The following GRK4 variants were observed in gnomAD, a reference collection of about 807,000 sequenced individuals.
GRK4 encodes the protein G protein-coupled receptor kinase 4, also known as G protein-coupled receptor kinase 2-like.
A neutral mutation model predicts 77.9 loss-of-function variants in GRK4; 73 were observed. The observed-to-expected ratio is 0.94, with a 90% CI of 0.78 to 1.14. The LOEUF is 1.14. Ranked by LOEUF, GRK4 falls within the 50% of genes most tolerant of loss-of-function variation. The pLI is 0.00. For synonymous variants in GRK4, 257 were observed against 254.4 expected (o/e 1.01, Z -0.10); for missense variants, 729 against 700.2 (o/e 1.04, Z -0.46).
At position 3,040,669 on chromosome 4, in the gene GRK4, G is replaced by T; in HGVS notation, c.*44G>T. 6.4e-7 allele frequency: 1 copy of T among 1,553,162 alleles called. No homozygotes were observed. The highest frequency in any genetic ancestry group is 2.3e-5 in the East Asian group (1 of 44,248). The stretch of plus-strand genomic sequence containing the variant: ...CAGAGCAGACCCTGGCGCCAGGAAG[G>T]AGCATGTGTTAGCGTCTCGTCCCAC... On this transcript the variant is annotated 3_prime_UTR_variant, in exon 16 of 16. Coordinates refer to ENST00000398052, the MANE Select transcript of GRK4 (RefSeq NM_182982.3).
chr4:3,013,320 G>A (rs2109913692), intron 7 of GRK4, among the ~76,000 whole-genome samples: 1 of 152,130 alleles, frequency 6.6e-6, no homozygotes, highest in Non-Finnish European at 1.5e-5. Context: ...CCAAAGTGCT[G>A]GGATTGTAGG....
chr4:3,007,812 T>A lies in GRK4; in HGVS notation c.520T>A (p.Trp174Arg), dbSNP rs764367973. ...CTCATATTTTTCTCAGTTTTTACAA[T>A]GGAAATGGCTGGAAAGGTATGTACT... ...ESSYFSQFLQWKWLERQPVTK... is the reference protein window; with the variant it reads ...ESSYFSQFLQRKWLERQPVTK... Residue 174 changes from tryptophan (W) to arginine (R), a missense_variant, in exon 6 of 16, where the codon TGG (tryptophan) becomes AGG (arginine). Transcript: ENST00000398052. The A allele has an allele frequency of 4.3e-6, 7 of 1,609,690 alleles. No homozygotes were observed. Among genetic ancestry groups the A allele is most frequent in the Non-Finnish European group, 3.4e-6 (4 of 1,177,108 alleles).
At chr4:3,037,973 G>C (rs1741293723) in intron 14 of GRK4, among the ~76,000 whole-genome samples, 1 of 152,086 alleles carries the variant, frequency 6.6e-6, no homozygotes, top group Non-Finnish European at 1.5e-5. Flanking sequence ...CTAGACCATG[G>C]GCAAGCCAAG....
At chr4:3,037,324 T>C (rs1345242158) in intron 13 of GRK4, 50 bp from the exon 14 acceptor site, 2 of 1,519,750 alleles carry the variant, frequency 1.3e-6, no homozygotes, top group East Asian at 2.3e-5. Context: ...CTGAGGGAGC[T>C]GAGAATTGCT....
At chr4:2,985,949 C>T (rs2109585692) in intron 2 of GRK4, 1 of 140,796 alleles carries the variant, frequency 7.1e-6, no homozygotes, top group South Asian at 2.2e-4. Flanking sequence ...CCCACCACTG[C>T]ACTCCAGCCT....
Position 2,985,151 on chromosome 4 carries a change from G to A in GRK4, c.148+543G>A, listed in dbSNP as rs189550150. Among the ~76,000 whole-genome samples the A allele has an allele frequency of 5.6e-3, 842 of 151,600 alleles. 4 individuals carry two copies. Among genetic ancestry groups the A allele is most frequent in the African/African-American group, 0.019 (796 of 41,388 alleles). On this transcript the variant is annotated intron_variant, in intron 2 of 15. Transcript: ENST00000398052. ...AGCCAGGCCGGGCGCAGTGGCTCAC[G>A]CCTGTAATCCCGGCACTTTGGGAGG...
rs577851537 is a variant in GRK4, at chr4:3,026,724, A to G, written c.971-1188A>G. 3.3e-5 allele frequency among the ~76,000 whole-genome samples: 5 copies of G among 152,314 alleles called. No homozygotes were observed. In the South Asian group the frequency reaches 1.0e-3, roughly 32 times the overall value. ...TCACCCCTGTGCTCTCCCGCCTCCC[A>G]GGGTGGGCGCGCAGCAAGGGCGGGG... On this transcript the variant is annotated intron_variant, in intron 10 of 15. Transcript: ENST00000398052.
At chr4:3,026,888 A>G (rs1737732406) in intron 10 of GRK4, among the ~76,000 whole-genome samples, 1 of 152,192 alleles carries the variant, frequency 6.6e-6, no homozygotes, top group African/African-American at 2.4e-5. Flanking sequence ...TTTATTGGTT[A>G]TTCATTCATT....
In GRK4 at chr4:2,985,984, C is replaced by CAAAAAAAA. The variant is rs1181104072; in HGVS notation, c.148+1389_148+1396dup. ...TGGGTGACAGAACAAGACTCCGTCT[C>CAAAAAAAA]AAAAAAAAAAAAAAAAAAAAGAAGT... On this transcript the variant is annotated intron_variant, in intron 2 of 15. Coordinates refer to ENST00000398052, the MANE Select transcript of GRK4 (RefSeq NM_182982.3). Among the ~76,000 whole-genome samples, 5 of 91,696 alleles carry CAAAAAAAA rather than the reference C, an allele frequency of 5.5e-5. 1 individual carries two copies. Among genetic ancestry groups the CAAAAAAAA allele is most frequent in the Non-Finnish European group, 9.1e-5 (4 of 44,174 alleles). The allele number at this position is 91,696 out of a possible 152,430, so 60.2% of individuals were successfully genotyped here. A position where few individuals can be genotyped will look rare whatever the true frequency, so the allele number is the denominator to read the frequency against.
intron 4 of GRK4, among the ~76,000 whole-genome samples, chr4:2,999,311 A>G (rs1728873653): frequency 1.3e-5 from 2 of 152,154 alleles, no homozygotes; most frequent in Non-Finnish European, 2.9e-5. Context: ...CAATGCCGCA[A>G]CAATAACAAA....
chr4:3,019,740 A>G lies in GRK4; in HGVS notation c.841A>G (p.Asn281Asp). Residue 281 changes from asparagine (N) to aspartate (D), a missense_variant, in exon 9 of 16, where the codon AAT (asparagine) becomes GAT (aspartate). Coordinates refer to ENST00000398052, the MANE Select transcript of GRK4 (RefSeq NM_182982.3). ...DLKFHIYNLG[N>D]PGFDEQRAVF... ...GAAGTTTCACATTTACAACCTGGGC[A>G]ATCCCGGCTTTGATGAGCAGAGAGC... 6.2e-7 allele frequency: 1 copy of G among 1,614,228 alleles called. No homozygotes were observed. Among genetic ancestry groups the G allele is most frequent in the Non-Finnish European group, 8.5e-7 (1 of 1,180,034 alleles).
chr4:3,015,044 A>G (rs1734038948), intron 8 of GRK4, among the ~76,000 whole-genome samples: 1 of 152,116 alleles, frequency 6.6e-6, no homozygotes, highest in African/African-American at 2.4e-5. Flanking sequence ...AGCATATCCC[A>G]ATTGTATGAA....
At chr4:2,977,560 T>G (rs1167683196) in intron 1 of GRK4, among the ~76,000 whole-genome samples, 1 of 152,234 alleles carries the variant, frequency 6.6e-6, no homozygotes, top group East Asian at 1.9e-4. Context: ...ATAGAATTTA[T>G]TTTTCATTTC....
chr4:2,987,805 A>G (rs1033413125), intron 2 of GRK4, among the ~76,000 whole-genome samples: 2 of 152,050 alleles, frequency 1.3e-5, no homozygotes, highest in Admixed American at 1.3e-4. Context: ...GCCAGGCGCC[A>G]TGACTCATGC....
rs1350979952 is a variant in GRK4, at chr4:3,027,961, A to G, written c.1020A>G (p.Gly340=). The G allele has an allele frequency of 1.2e-6, 2 of 1,614,010 alleles. No homozygotes were observed. The highest frequency in any genetic ancestry group is 1.7e-5 in the Admixed American group (1 of 60,004). The change falls in exon 11 of 16, where the codon GGA becomes GGG. Residue 340 remains glycine, a synonymous_variant. Transcript: ENST00000398052. ...DLGLATEIPE[G]QRVRGRVGTV... is the part of the protein sequence containing the mutation. ...GTTTGGCCACAGAGATCCCAGAAGG[A>G]CAGAGGGTTCGAGGAAGAGTTGGAA...
intron 8 of GRK4, among the ~76,000 whole-genome samples, chr4:3,015,670 A>G (rs1223117463): frequency 7.0e-6 from 1 of 143,324 alleles, no homozygotes; most frequent in Admixed American, 6.9e-5. Flanking sequence ...GCAAGACTCC[A>G]TCTCAAAAAA....
At chr4:3,007,946 T>C (rs1290811277) in intron 6 of GRK4, 118 bp downstream of exon 6, 2 of 644,044 alleles carry the variant, frequency 3.1e-6, no homozygotes, top group Non-Finnish European at 5.4e-6. Flanking sequence ...AAGGCTATAG[T>C]ACGGGATGAT....
In GRK4 at chr4:3,038,264, G is replaced by A. The variant is rs1267107640; in HGVS notation, c.1546-112G>A. On this transcript the variant is annotated intron_variant, in intron 14 of 15. Transcript: ENST00000398052. Reference sequence around the variant, plus strand: ...AAAAGGGGCCCCACAGTGGGTGCAGGAGCTCTGAGGTGCCCCGCACGGGGC... The same window carrying A: ...AAAAGGGGCCCCACAGTGGGTGCAGAAGCTCTGAGGTGCCCCGCACGGGGC... 2.3e-5 allele frequency: 31 copies of A among 1,342,930 alleles called. 1 individual carries two copies. The highest frequency in any genetic ancestry group is 1.0e-6 in the Non-Finnish European group (1 of 969,740). 83.2% of individuals were successfully genotyped at this position (1,342,930 alleles called of 1,614,324 possible).
At chr4:3,020,685 G>A (rs1220121025) in intron 9 of GRK4, among the ~76,000 whole-genome samples, 5 of 152,000 alleles carry the variant, frequency 3.3e-5, no homozygotes, top group Non-Finnish European at 7.4e-5. Flanking sequence ...CCCTTCTGTG[G>A]GTTCATCTGC....
Sources: allele counts gnomAD v4.1 joint callset (sites outside exome capture counted in the v4.1 genomes callset), GRCh38; gene constraint gnomAD v4.1.1; transcripts MANE v1.5; gene names NCBI Gene and HGNC (gene_info 2026-07-23, HGNC 2026-07-21).